Variants in CFAP54 observed in about 807,000 individuals in gnomAD.
The protein encoded by CFAP54 is cilia- and flagella-associated protein 54.
In CFAP54, 290 loss-of-function variants were observed where a neutral mutation model predicts 370.4. The ratio of observed to expected loss-of-function variants is 0.78; its 90% CI spans 0.71 to 0.86. The LOEUF is 0.86. Ranked by LOEUF, CFAP54 falls within the 40% of genes least tolerant of loss-of-function variation. The pLI is 0.00. For synonymous variants in CFAP54, 1,206 were observed against 1,236.5 expected, an observed-to-expected ratio of 0.98 and a Z score of 0.52; for missense variants, 3,399 against 3,528.7, an observed-to-expected ratio of 0.96 and a Z score of 0.93.
At chr12:96,826,700 T>G (rs1959112067) in intron 65 of CFAP54, among the ~76,000 whole-genome samples, 1 of 111,362 alleles carries the variant, frequency 9.0e-6, no homozygotes, top group Non-Finnish European at 1.6e-5. Context: ...CATATTATAA[T>G]ATATAAATTA....
intron 26 of CFAP54, among the ~76,000 whole-genome samples, chr12:96,606,249 A>G (rs1468021988): frequency 6.6e-6 from 1 of 152,194 alleles, no homozygotes; most frequent in African/African-American, 2.4e-5. Flanking sequence ...GGCATGAAGG[A>G]CTATGCAAGT....
At chr12:96,547,085 T>A (rs1287095105) in intron 14 of CFAP54, among the ~76,000 whole-genome samples, 1 of 152,240 alleles carries the variant, frequency 6.6e-6, no homozygotes, top group Non-Finnish European at 1.5e-5. Flanking sequence ...AAGAATGTTA[T>A]TCTTAACACC....
chr12:96,622,805 C>T (rs1010192241), intron 27 of CFAP54, among the ~76,000 whole-genome samples: 1 of 151,818 alleles, frequency 6.6e-6, no homozygotes, highest in Non-Finnish European at 1.5e-5. Context: ...ATTTGTTTGC[C>T]AAAAAAACTT....
intron 36 of CFAP54, among the ~76,000 whole-genome samples, chr12:96,654,254 C>A (rs1287007156): frequency 6.6e-6 from 1 of 152,168 alleles, no homozygotes; most frequent in Non-Finnish European, 1.5e-5. Flanking sequence ...GTAATCCCAG[C>A]ACTTTGGGAG....
At chr12:96,655,938 G>GAT (rs922919906) in intron 36 of CFAP54, among the ~76,000 whole-genome samples, 2 of 151,966 alleles carry the variant, frequency 1.3e-5, no homozygotes, top group African/African-American at 4.8e-5. Context: ...ACTTTTTAGA[G>GAT]ATAAATACTA....
At chr12:96,493,563 T>C (rs1954910386) in intron 1 of CFAP54, among the ~76,000 whole-genome samples, 1 of 152,158 alleles carries the variant, frequency 6.6e-6, no homozygotes, top group Non-Finnish European at 1.5e-5. Context: ...ATCCCAGCAC[T>C]TTGAGAGGCT....
At chr12:96,522,995 T>C (rs1021005005) in intron 8 of CFAP54, among the ~76,000 whole-genome samples, 1 of 152,220 alleles carries the variant, frequency 6.6e-6, no homozygotes, top group Admixed American at 6.5e-5. Flanking sequence ...CGGCCCTTTT[T>C]CTTCCCCTTG....
intron 46 of CFAP54, among the ~76,000 whole-genome samples, chr12:96,701,457 G>A (rs1592715488): frequency 6.6e-6 from 1 of 152,162 alleles, no homozygotes; most frequent in South Asian, 2.1e-4. Flanking sequence ...CTGCTTTCCT[G>A]GAGCTTACAG....
At position 96,564,574 on chromosome 12, in the gene CFAP54, C is replaced by T. The variant is rs767196808; in HGVS notation, c.2497+20C>T. On this transcript the variant is annotated intron_variant, in intron 18 of 67. Transcript: ENST00000524981. Reference sequence around the variant, plus strand: ...TTACAGGTAATTAAAATTGGGATAACTGGTATTTCCAAAAAATTTGGAAGA... The same window carrying T: ...TTACAGGTAATTAAAATTGGGATAATTGGTATTTCCAAAAAATTTGGAAGA... 11 of 673,098 alleles carry T rather than the reference C, an allele frequency of 1.6e-5. No homozygotes were observed. In the South Asian group the frequency reaches 1.8e-4, roughly 11 times the overall value. The allele number at this position is 673,098 out of a possible 1,614,324, so 41.7% of individuals were successfully genotyped here.
intron 58 of CFAP54, among the ~76,000 whole-genome samples, chr12:96,762,771 GT>G (rs67070407): frequency 0.38 from 57,064 of 149,952 alleles, 11,039 homozygotes; most frequent in Middle Eastern, 0.43. Flanking sequence ...AATGATTAGG[GT>G]TTTTTTTTTC....
chr12:96,489,597 G>T lies in CFAP54; in HGVS notation c.-13G>T. On this transcript the variant is annotated 5_prime_UTR_variant, in exon 1 of 68. Coordinates refer to ENST00000524981, the MANE Select transcript of CFAP54 (RefSeq NM_001306084.2). ...CGTGTACACATACTCCAGGCGGGCC[G>T]GGGCGCGTCAATATGGCGGCGCAGG... 4 of 1,507,068 alleles carry T rather than the reference G, an allele frequency of 2.7e-6. No individual in the cohort carries two copies. Among genetic ancestry groups the T allele is most frequent in the Non-Finnish European group, 3.5e-6 (4 of 1,127,970 alleles). The allele number at this position is 1,507,068 out of a possible 1,614,324, so 93.4% of individuals were successfully genotyped here. A position where few individuals can be genotyped will look rare whatever the true frequency, so the allele number is the denominator to read the frequency against.
intron 66 of CFAP54, among the ~76,000 whole-genome samples, chr12:96,857,568 G>T (rs530023479): frequency 6.6e-6 from 1 of 152,166 alleles, no homozygotes; most frequent in East Asian, 1.9e-4. Flanking sequence ...ATTCCATGTT[G>T]ATATGATTTG....
At chr12:96,791,852 T>C (rs997202209) in intron 62 of CFAP54, among the ~76,000 whole-genome samples, 5 of 133,034 alleles carry the variant, frequency 3.8e-5, no homozygotes, top group African/African-American at 5.8e-5. Context: ...TTTTTTTTTC[T>C]TTTTTTTTTT....
At chr12:96,662,278 C>T (rs1211021677) in intron 38 of CFAP54, among the ~76,000 whole-genome samples, 5 of 152,154 alleles carry the variant, frequency 3.3e-5, no homozygotes, top group South Asian at 4.1e-4. Flanking sequence ...AATCTTGCCT[C>T]GCTGCAACCT....
chr12:96,765,577 C>T lies in CFAP54; in HGVS notation c.8281+359C>T, dbSNP rs374664315. Among the ~76,000 whole-genome samples the T allele has an allele frequency of 2.6e-5, 4 of 152,186 alleles. No homozygotes were observed. The South Asian group carries it at 8.3e-4, about 31-fold the overall frequency. ...CACTCTCCCACTCTGATATGCCTCCCTCTTCTTTTCCTTAGTGATTTTATA... is the reference window on the plus strand; with the variant it reads ...CACTCTCCCACTCTGATATGCCTCCTTCTTCTTTTCCTTAGTGATTTTATA... On this transcript the variant is annotated intron_variant, in intron 60 of 67. Transcript: ENST00000524981.
intron 25 of CFAP54, among the ~76,000 whole-genome samples, chr12:96,598,065 AT>A (rs1173560155): frequency 6.6e-6 from 1 of 151,118 alleles, no homozygotes; most frequent in Non-Finnish European, 1.5e-5. Context: ...GTTAATCTAA[AT>A]GGTGAATGAT....
chr12:96,809,290 G>A (rs941541856), intron 63 of CFAP54, among the ~76,000 whole-genome samples: 9 of 151,720 alleles, frequency 5.9e-5, no homozygotes, highest in Non-Finnish European at 1.3e-4. Flanking sequence ...GTACCTTTTG[G>A]AATTTCTATT....
In CFAP54 at chr12:96,507,068, A is replaced by G. The variant is rs1955110081; in HGVS notation, c.708A>G (p.Pro236=). 2.0e-6 allele frequency: 3 copies of G among 1,533,752 alleles called. No homozygotes were observed. The highest frequency in any genetic ancestry group is 2.7e-5 in the African/African-American group (2 of 72,964). ...GGCTCATCATGCAAGTGGCTCTGCC[A>G]CAAGAGCATCTTTGCTGGATTATCT... ...SLRLIMQVAL[P]QEHLCWIIFN... Residue 236 remains proline, a synonymous_variant, in exon 4 of 68, where the codon CCA becomes CCG. Transcript: ENST00000524981.
chr12:96,547,831 C>T (rs1955656651), intron 14 of CFAP54, 71 bp from the exon 15 acceptor site: 1 of 694,988 alleles, frequency 1.4e-6, no homozygotes, highest in Non-Finnish European at 2.3e-6. Context: ...TCCTACTTTT[C>T]CTTTTTTTTC....
Sources: allele counts gnomAD v4.1 joint callset (sites outside exome capture counted in the v4.1 genomes callset), GRCh38; gene constraint gnomAD v4.1.1; transcripts MANE v1.5; gene names NCBI Gene and HGNC (gene_info 2026-07-23, HGNC 2026-07-21).